SHROOM2: variants seen among roughly 807,000 people sequenced by gnomAD.
SHROOM2 encodes protein Shroom2.
In SHROOM2, 33 loss-of-function variants were observed where a neutral mutation model predicts 75.9. The observed-to-expected ratio is 0.43, with a 90% CI of 0.33 to 0.58. The LOEUF is 0.58. Among genes scored for constraint, SHROOM2 ranks in the 20% least tolerant of loss-of-function variants. The probability of loss-of-function intolerance (pLI) is 0.04; values close to 1 mark genes in which losing one functional copy is unlikely to be tolerated. For missense variants in SHROOM2, 1,434 were observed against 1,461.2 expected (o/e 0.98, Z 0.30); for synonymous variants, 655 against 663.6 (o/e 0.99, Z 0.20).
chrX:9,898,345 G>C (rs2147020886), intron 5 of SHROOM2, 55 bp downstream of exon 5: 1 of 914,451 alleles, frequency 1.1e-6, no homozygotes, highest in South Asian at 2.3e-5. Flanking sequence ...GTGGGCTTCT[G>C]TACGATGGGT....
rs375110528 is a variant in SHROOM2 at position 9,937,539 on chromosome X, C to G, written c.3993C>G (p.Ala1331=). The change falls in exon 7 of 10, where the codon GCC becomes GCG. Residue 1331 remains alanine, a synonymous_variant. Coordinates refer to ENST00000380913, the MANE Select transcript of SHROOM2 (RefSeq NM_001649.4). ...REIVGKDKSL[A]DILDPSVKIK... is the part of the protein sequence containing the mutation. ...TCGTGGGGAAGGATAAGTCCCTGGC[C>G]GACATCCTGGATCCCAGTGTGAAGA... 6.6e-6 allele frequency: 8 copies of G among 1,210,011 alleles called. No homozygotes were observed. In the South Asian group the frequency reaches 1.2e-4, roughly 19 times the overall value.
intron 2 of SHROOM2, among the ~76,000 whole-genome samples, chrX:9,886,855 T>C (rs998774446): frequency 7.1e-5 from 8 of 112,614 alleles, no homozygotes; most frequent in Admixed American, 1.9e-4. Context: ...CATGGAACAG[T>C]ATACGTTTTG....
intron 1 of SHROOM2, among the ~76,000 whole-genome samples, chrX:9,864,119 T>C (rs1033377348): frequency 9.1e-6 from 1 of 110,003 alleles, no homozygotes; most frequent in Admixed American, 9.7e-5. Flanking sequence ...CTCAGGATAT[T>C]TCACAACTTG....
intron 1 of SHROOM2, among the ~76,000 whole-genome samples, chrX:9,823,189 T>A (rs1432344841): frequency 2.6e-5 from 2 of 78,294 alleles, no homozygotes; most frequent in East Asian, 4.9e-4. Flanking sequence ...CTTCTCCTCC[T>A]CCTCCTCCTT....
intron 5 of SHROOM2, among the ~76,000 whole-genome samples, chrX:9,905,959 T>G (rs5979204): frequency 0.032 from 3,596 of 111,592 alleles, 163 homozygotes; most frequent in African/African-American, 0.11. Context: ...CCCAGGAAAC[T>G]TTGATAGCTG....
At chrX:9,837,201 G>T (rs779965267) in intron 1 of SHROOM2, among the ~76,000 whole-genome samples, 7 of 112,586 alleles carry the variant, frequency 6.2e-5, no homozygotes, top group Non-Finnish European at 1.1e-4. Context: ...GGGGGTCTCG[G>T]CTCTGGAAGT....
intron 1 of SHROOM2, among the ~76,000 whole-genome samples, chrX:9,838,222 G>A (rs868175035): frequency 1.7e-4 from 19 of 109,140 alleles, no homozygotes; most frequent in Admixed American, 2.9e-4. Context: ...CACCACGCCC[G>A]GCTAATTTTT....
At chrX:9,859,706 A>G (rs1334524786) in intron 1 of SHROOM2, among the ~76,000 whole-genome samples, 2 of 111,681 alleles carry the variant, frequency 1.8e-5, no homozygotes, top group African/African-American at 6.5e-5. Flanking sequence ...AGGAAGGACA[A>G]AGGGCCTGTT....
At chrX:9,827,753 G>C in intron 1 of SHROOM2, among the ~76,000 whole-genome samples, 1 of 110,735 alleles carries the variant, frequency 9.0e-6, no homozygotes, top group African/African-American at 3.3e-5. Context: ...GCTGCTGTGT[G>C]GGGAGGTGGA....
intron 8 of SHROOM2, among the ~76,000 whole-genome samples, chrX:9,942,438 AC>A (rs775150584): frequency 4.8e-4 from 53 of 110,957 alleles, no homozygotes; most frequent in Admixed American, 2.7e-3. Flanking sequence ...CCAAGACTGC[AC>A]CCCCCACACA....
At chrX:9,840,034 G>C (rs777286447) in intron 1 of SHROOM2, among the ~76,000 whole-genome samples, 1 of 111,762 alleles carries the variant, frequency 8.9e-6, no homozygotes, top group Non-Finnish European at 1.9e-5. Context: ...GGTGATGAAG[G>C]GCTGTGCTGT....
At chrX:9,808,620 G>A (rs2083771276) in intron 1 of SHROOM2, among the ~76,000 whole-genome samples, 1 of 110,088 alleles carries the variant, frequency 9.1e-6, no homozygotes, top group African/African-American at 3.3e-5. Context: ...CCAGCACTTT[G>A]GGAGGCCAAG....
At chrX:9,855,527 C>T (rs1021889998) in intron 1 of SHROOM2, among the ~76,000 whole-genome samples, 4 of 104,605 alleles carry the variant, frequency 3.8e-5, no homozygotes, top group African/African-American at 1.5e-4. Context: ...AAAATCCCAA[C>T]TATTCCCATA....
intron 1 of SHROOM2, among the ~76,000 whole-genome samples, chrX:9,819,854 C>T (rs769392803): frequency 3.9e-5 from 4 of 102,974 alleles, no homozygotes; most frequent in East Asian, 3.0e-4. Context: ...ATTGCAGTGG[C>T]GTGATCTTGG....
At chrX:9,818,971 G>T in intron 1 of SHROOM2, 1 of 638,666 alleles carries the variant, frequency 1.6e-6, no homozygotes, top group Non-Finnish European at 2.6e-6. Flanking sequence ...TTTGGTGGTG[G>T]TGTCTCACTG....
At chrX:9,918,841 G>A (rs1257313067) in intron 5 of SHROOM2, among the ~76,000 whole-genome samples, 2 of 111,875 alleles carry the variant, frequency 1.8e-5, no homozygotes, top group African/African-American at 6.5e-5. Context: ...TCACCCTCCT[G>A]ACTGCATCAC....
intron 5 of SHROOM2, among the ~76,000 whole-genome samples, chrX:9,920,523 T>C (rs1221414766): frequency 1.8e-5 from 2 of 112,332 alleles, no homozygotes. Context: ...TAATAAATAT[T>C]ACACAACCCA....
At chrX:9,927,868 G>A (rs1231886942) in intron 5 of SHROOM2, among the ~76,000 whole-genome samples, 1 of 111,155 alleles carries the variant, frequency 9.0e-6, no homozygotes, top group Admixed American at 9.6e-5. Flanking sequence ...GGTGATGTCA[G>A]GGCAGGACTG....
At chrX:9,901,939 T>TG (rs2147023792) in intron 5 of SHROOM2, among the ~76,000 whole-genome samples, 2 of 89,152 alleles carry the variant, frequency 2.2e-5, no homozygotes, top group Admixed American at 3.0e-4. Flanking sequence ...GATGGACAGA[T>TG]GGGTGGTTGA....
Sources: allele counts gnomAD v4.1 joint callset (sites outside exome capture counted in the v4.1 genomes callset), GRCh38; gene constraint gnomAD v4.1.1; transcripts MANE v1.5; gene names NCBI Gene and HGNC (gene_info 2026-07-23, HGNC 2026-07-21).